Variants in GLIS3 observed in about 807,000 individuals in gnomAD.
GLIS3 encodes the protein zinc finger protein GLIS3.
Under a neutral mutation model 78.6 loss-of-function variants are expected in GLIS3, and 53 were observed. The observed-to-expected ratio is 0.67, with a 90% CI of 0.54 to 0.85. The LOEUF (loss-of-function observed/expected upper bound fraction) is 0.85. Ranked by LOEUF, GLIS3 falls within the 40% of genes least tolerant of loss-of-function variation. GLIS3 has a pLI of 0.00. For missense variants in GLIS3, 1,703 were observed against 1,231.1 expected (o/e 1.38, Z -5.74); for synonymous variants, 684 against 509.9 (o/e 1.34, Z -4.60).
At chr9:3,841,355 G>A (rs910685827) in intron 9 of GLIS3, among the ~76,000 whole-genome samples, 1 of 152,210 alleles carries the variant, frequency 6.6e-6, no homozygotes, top group Non-Finnish European at 1.5e-5. Flanking sequence ...AAGAACTCCT[G>A]AGGGTCCGAG....
At chr9:4,352,360 C>G (rs1046505715), upstream of GLIS3, among the ~76,000 whole-genome samples, 2 of 152,230 alleles carry the variant, frequency 1.3e-5, no homozygotes, top group Non-Finnish European at 2.9e-5. Context: ...TGTAGAGTCC[C>G]TTGGTCATTT....
At chr9:3,972,924 G>T (rs1187158399) in intron 4 of GLIS3, among the ~76,000 whole-genome samples, 1 of 152,112 alleles carries the variant, frequency 6.6e-6, no homozygotes, top group East Asian at 1.9e-4. Flanking sequence ...GACGCTGATT[G>T]CAAGAGTTAA....
chr9:4,415,801 C>CTTTCT, the GLIS3 span, among the ~76,000 whole-genome samples: 2 of 151,144 alleles, frequency 1.3e-5, no homozygotes, highest in African/African-American at 2.4e-5. Context: ...TTTAACTTTT[C>CTTTCT]TTTTTTTTAT....
chr9:4,100,193 T>A (rs113014241), intron 4 of GLIS3, among the ~76,000 whole-genome samples: 1 of 152,122 alleles, frequency 6.6e-6, no homozygotes, highest in Non-Finnish European at 1.5e-5. Flanking sequence ...GGTGGTGTAG[T>A]ATGCGGGTAC....
intron 2 of GLIS3, 67 bp downstream of exon 2, chr9:4,285,971 C>T: frequency 6.3e-7 from 1 of 1,579,552 alleles, no homozygotes; most frequent in South Asian, 1.1e-5. Flanking sequence ...GATTTGCTGG[C>T]AGAAAATGGG....
At chr9:3,856,630 G>T (rs1819812000) in intron 8 of GLIS3, among the ~76,000 whole-genome samples, 1 of 152,176 alleles carries the variant, frequency 6.6e-6, no homozygotes, top group Non-Finnish European at 1.5e-5. Context: ...TATATCTGAG[G>T]TCCAAGAAGT....
the GLIS3 span, among the ~76,000 whole-genome samples, chr9:4,442,990 G>C: frequency 9.2e-5 from 14 of 152,106 alleles, no homozygotes; most frequent in Non-Finnish European, 1.3e-4. Context: ...TAAGCTGCTG[G>C]TCAAGCTGTC....
intron 2 of GLIS3, among the ~76,000 whole-genome samples, chr9:4,281,444 C>T (rs988147334): frequency 1.3e-5 from 2 of 152,176 alleles, no homozygotes; most frequent in Non-Finnish European, 1.5e-5. Flanking sequence ...TCCTCATGCC[C>T]CCTTCTCCCC....
At chr9:4,454,828 T>G in the GLIS3 span, among the ~76,000 whole-genome samples, 1 of 152,200 alleles carries the variant, frequency 6.6e-6, no homozygotes, top group Non-Finnish European at 1.5e-5. Flanking sequence ...ATTTCTTTAC[T>G]GGCACCCTGA....
the GLIS3 span, among the ~76,000 whole-genome samples, chr9:4,470,094 A>G: frequency 4.9e-3 from 741 of 152,344 alleles, 5 homozygotes; most frequent in Middle Eastern, 0.024. Context: ...ACAGGCTCTG[A>G]AATTGAGGCA....
chr9:4,121,652 CA>C (rs1564082423), intron 3 of GLIS3, among the ~76,000 whole-genome samples: 31 of 152,034 alleles, frequency 2.0e-4, no homozygotes, highest in African/African-American at 6.8e-4. Context: ...CACACACACA[CA>C]CACACACACC....
the GLIS3 span, among the ~76,000 whole-genome samples, chr9:4,432,447 A>G: frequency 2.0e-5 from 3 of 152,128 alleles, no homozygotes; most frequent in Middle Eastern, 3.2e-3. Flanking sequence ...GCCATAACAC[A>G]GCTAGGTGGA....
At chr9:4,316,755 G>A (rs1328766688) in intron 2 of GLIS3, among the ~76,000 whole-genome samples, 3 of 152,156 alleles carry the variant, frequency 2.0e-5, no homozygotes, top group African/African-American at 7.2e-5. Flanking sequence ...CTGCAACCCT[G>A]AACTGGAATA....
intron 2 of GLIS3, among the ~76,000 whole-genome samples, chr9:4,178,998 T>C (rs1011895569): frequency 6.6e-6 from 1 of 152,238 alleles, no homozygotes. Context: ...AGGGCTGCAA[T>C]TACCAGAGTT....
the GLIS3 span, among the ~76,000 whole-genome samples, chr9:4,416,028 T>C: frequency 2.0e-5 from 3 of 150,324 alleles, no homozygotes; most frequent in Admixed American, 1.3e-4. Context: ...GATGTATATA[T>C]TTATATCTTA....
chr9:4,392,886 C>G, the GLIS3 span, among the ~76,000 whole-genome samples: 1 of 151,890 alleles, frequency 6.6e-6, no homozygotes, highest in Admixed American at 6.6e-5. Context: ...GAAAAAAATC[C>G]AGAACTACTT....
At chr9:4,155,002 G>T (rs1056322666) in intron 2 of GLIS3, among the ~76,000 whole-genome samples, 2 of 152,090 alleles carry the variant, frequency 1.3e-5, no homozygotes, top group African/African-American at 4.8e-5. Context: ...ACACAATGTG[G>T]AAAAAGAGAC....
chr9:4,063,342 G>C (rs1588578376), intron 4 of GLIS3, among the ~76,000 whole-genome samples: 1 of 151,994 alleles, frequency 6.6e-6, no homozygotes, highest in African/African-American at 2.4e-5. Context: ...TACTGCAAAG[G>C]GGATGATATG....
At chr9:4,132,222 C>G (rs1833032852) in intron 2 of GLIS3, among the ~76,000 whole-genome samples, 1 of 152,162 alleles carries the variant, frequency 6.6e-6, no homozygotes, top group African/African-American at 2.4e-5. Flanking sequence ...CATGTGTTTA[C>G]TGCTCAAATG....
Sources: gnomAD v4.1 joint callset for allele counts (sites outside exome capture counted in the v4.1 genomes callset) on GRCh38, gnomAD v4.1.1 for gene constraint, MANE v1.5 for transcripts, NCBI Gene and HGNC (gene_info 2026-07-23, HGNC 2026-07-21) for gene names.